RALGPS1: variants seen among roughly 807,000 people sequenced by gnomAD.
The protein encoded by RALGPS1 is Ral GEF with PH domain and SH3 binding motif 1, also known as ras-specific guanine nucleotide-releasing factor RalGPS1.
RALGPS1 carries 19 observed loss-of-function variants against 78.8 expected under a neutral mutation model. The ratio of observed to expected loss-of-function variants is 0.24; its 90% CI spans 0.17 to 0.35. RALGPS1 has a LOEUF of 0.35. RALGPS1 is among the 10% of genes least tolerant of loss of function. The pLI, the probability that RALGPS1 is intolerant of heterozygous loss-of-function variation, is 1.00. For missense variants in RALGPS1, 454 were observed against 688.3 expected, an observed-to-expected ratio of 0.66 and a Z score of 3.81; for synonymous variants, 228 against 256.3, an observed-to-expected ratio of 0.89 and a Z score of 1.06.
chr9:126,957,409 G>C (rs1236890602), intron 1 of RALGPS1, among the ~76,000 whole-genome samples: 1 of 152,214 alleles, frequency 6.6e-6, no homozygotes, highest in African/African-American at 2.4e-5. Context: ...CAGAGTGCCA[G>C]GCACACCCAG....
chr9:126,958,142 A>AATAAATATATATATATATATAT (rs1554765219), intron 1 of RALGPS1, among the ~76,000 whole-genome samples: 30 of 77,058 alleles, frequency 3.9e-4, no homozygotes, highest in Non-Finnish European at 5.8e-4. Context: ...AAAAAAAAAA[A>AATAAATATATATATATATATAT]ATATATATAT....
chr9:127,012,905 C>T (rs1259055974), intron 4 of RALGPS1, among the ~76,000 whole-genome samples: 4 of 151,982 alleles, frequency 2.6e-5, no homozygotes, highest in East Asian at 3.8e-4. Context: ...TCAGGGAACT[C>T]GAAGATGAAT....
chr9:127,128,133 A>G (rs552549120), intron 8 of RALGPS1, among the ~76,000 whole-genome samples: 3 of 151,500 alleles, frequency 2.0e-5, no homozygotes, highest in African/African-American at 7.3e-5. Flanking sequence ...TTTGTTGAGA[A>G]TGATGGTTTT....
chr9:127,134,306 T>C (rs2057246341), intron 8 of RALGPS1, among the ~76,000 whole-genome samples: 1 of 152,164 alleles, frequency 6.6e-6, no homozygotes. Context: ...ACATCACCCA[T>C]TCCACAAAAT....
chr9:126,953,233 T>C (rs2038027162), intron 1 of RALGPS1, among the ~76,000 whole-genome samples: 1 of 152,152 alleles, frequency 6.6e-6, no homozygotes, highest in African/African-American at 2.4e-5. Context: ...AAAAAAGAGA[T>C]GTGGGATTGT....
chr9:127,000,383 A>G (rs1316957974), intron 4 of RALGPS1, among the ~76,000 whole-genome samples: 1 of 151,894 alleles, frequency 6.6e-6, no homozygotes, highest in Non-Finnish European at 1.5e-5. Flanking sequence ...GCGTTTTGAT[A>G]TTTTGGGCCT....
At chr9:126,962,390 C>CT in intron 2 of RALGPS1, 44 bp downstream of exon 2, 6 of 1,600,652 alleles carry the variant, frequency 3.7e-6, no homozygotes, top group Non-Finnish European at 5.1e-6. Context: ...GAGGGGTCTC[C>CT]TTTCAGCTAA....
chr9:126,916,762 T>C (rs1451462946), intron 1 of RALGPS1, among the ~76,000 whole-genome samples: 2 of 152,028 alleles, frequency 1.3e-5, no homozygotes, highest in African/African-American at 4.8e-5. Flanking sequence ...CCCTGGGCGA[T>C]GGAGTGAGAC....
At chr9:127,199,097 CA>C (rs1173269181) in intron 14 of RALGPS1, 31 bp downstream of exon 14, 13 of 1,604,832 alleles carry the variant, frequency 8.1e-6, no homozygotes, top group Non-Finnish European at 1.1e-5. Flanking sequence ...GCCTCCCTCC[CA>C]GGGGCGGTGC....
chr9:127,023,390 C>CT (rs1441213265), intron 4 of RALGPS1, among the ~76,000 whole-genome samples: 1 of 152,226 alleles, frequency 6.6e-6, no homozygotes, highest in Non-Finnish European at 1.5e-5. Flanking sequence ...GCTCTCTCTT[C>CT]TTTCTTTCCC....
chr9:127,126,305 C>A (rs938979084), intron 8 of RALGPS1, among the ~76,000 whole-genome samples: 2 of 152,108 alleles, frequency 1.3e-5, no homozygotes, highest in African/African-American at 4.8e-5. Flanking sequence ...AAGATTTTCT[C>A]TTTATCTTTG....
At chr9:126,993,154 C>G (rs959499533) in intron 4 of RALGPS1, among the ~76,000 whole-genome samples, 70 of 152,146 alleles carry the variant, frequency 4.6e-4, no homozygotes, top group Admixed American at 2.1e-3. Context: ...CTTTTTCAGT[C>G]TGTTACTTTA....
intron 8 of RALGPS1, among the ~76,000 whole-genome samples, chr9:127,114,666 T>C (rs2055209500): frequency 6.6e-6 from 1 of 152,228 alleles, no homozygotes. Context: ...CCCATTGGTC[T>C]GTGATCACAG....
At chr9:127,159,368 A>G (rs2058886919) in intron 8 of RALGPS1, among the ~76,000 whole-genome samples, 1 of 152,120 alleles carries the variant, frequency 6.6e-6, no homozygotes, top group Non-Finnish European at 1.5e-5. Flanking sequence ...GGACTTCAGG[A>G]TTCTGTCCAG....
intron 14 of RALGPS1, among the ~76,000 whole-genome samples, chr9:127,203,454 T>C (rs948865903): frequency 6.6e-6 from 1 of 152,190 alleles, no homozygotes; most frequent in Non-Finnish European, 1.5e-5. Context: ...CACCTGTCTC[T>C]GTGGAAGGGC....
chr9:126,955,410 C>G (rs1402969225), intron 1 of RALGPS1, among the ~76,000 whole-genome samples: 1 of 152,102 alleles, frequency 6.6e-6, no homozygotes, highest in East Asian at 1.9e-4. Context: ...ATTAACAGTA[C>G]CTGGGACTTG....
At chr9:127,054,187 A>C (rs1373309116) in intron 7 of RALGPS1, among the ~76,000 whole-genome samples, 1 of 152,218 alleles carries the variant, frequency 6.6e-6, no homozygotes, top group African/African-American at 2.4e-5. Flanking sequence ...TTTGGAAGCC[A>C]CCGGTCTTAG....
chr9:127,076,241 G>A (rs2050671042), intron 8 of RALGPS1, among the ~76,000 whole-genome samples: 1 of 152,194 alleles, frequency 6.6e-6, no homozygotes, highest in Admixed American at 6.5e-5. Flanking sequence ...ATAAATAGCT[G>A]TATTGATTTA....
At chr9:127,056,302 CA>C (rs2048742716) in intron 7 of RALGPS1, among the ~76,000 whole-genome samples, 1 of 152,190 alleles carries the variant, frequency 6.6e-6, no homozygotes, top group African/African-American at 2.4e-5. Context: ...CTTACCAGAG[CA>C]AAAGGTGGGT....
Sources: allele counts gnomAD v4.1 joint callset (sites outside exome capture counted in the v4.1 genomes callset), GRCh38; gene constraint gnomAD v4.1.1; transcripts MANE v1.5; gene names NCBI Gene and HGNC (gene_info 2026-07-23, HGNC 2026-07-21).